The following NUP214 variants were observed in gnomAD, a reference collection of about 807,000 sequenced individuals.
The protein encoded by NUP214 is nucleoporin 214.
Under a neutral mutation model 196.2 loss-of-function variants are expected in NUP214, and 79 were observed. The observed-to-expected ratio is 0.40, with a 90% CI of 0.34 to 0.49. The LOEUF (loss-of-function observed/expected upper bound fraction) is 0.49, where lower values mean the gene tolerates loss of function less well. Ranked by LOEUF, NUP214 falls within the 20% of genes least tolerant of loss-of-function variation. The probability of loss-of-function intolerance (pLI) is 0.58; values close to 1 mark genes in which losing one functional copy is unlikely to be tolerated. For synonymous variants in NUP214, 1,020 were observed against 990.5 expected, an observed-to-expected ratio of 1.03 and a Z score of -0.56; for missense variants, 2,468 against 2,539.0, an observed-to-expected ratio of 0.97 and a Z score of 0.60.
At chr9:131,217,969 A>G (rs1052827491) in intron 31 of NUP214, among the ~76,000 whole-genome samples, 34 of 152,200 alleles carry the variant, frequency 2.2e-4, no homozygotes, top group Admixed American at 2.1e-3. Context: ...GAGTATTTAT[A>G]TCATGGAAAT....
rs563052320 is a variant in NUP214 at position 131,176,745 on chromosome 9, T to C, written c.3319+1124T>C. 2.0e-5 allele frequency among the ~76,000 whole-genome samples: 3 copies of C among 152,324 alleles called. No homozygotes were observed. In the East Asian group the frequency reaches 5.8e-4, roughly 29 times the overall value. On this transcript the variant is annotated intron_variant, in intron 23 of 35. Coordinates refer to ENST00000359428, the MANE Select transcript of NUP214 (RefSeq NM_005085.4). ...CATTATCCCAAACTTTCTACTACTT[T>C]CTACGTTAATGTACATTGTACATTA...
chr9:131,131,574 A>G (rs1831545185), intron 5 of NUP214, among the ~76,000 whole-genome samples: 1 of 152,242 alleles, frequency 6.6e-6, no homozygotes, highest in Admixed American at 6.5e-5. Flanking sequence ...TGTTATTACC[A>G]AAAGTTACCT....
chr9:131,213,905 G>T (rs1834320332), intron 30 of NUP214, among the ~76,000 whole-genome samples: 3 of 152,186 alleles, frequency 2.0e-5, no homozygotes, highest in African/African-American at 7.2e-5. Flanking sequence ...TGCCCTGAGT[G>T]AGGGGGAGGA....
rs150616912 is a variant in NUP214, at chr9:131,127,698, G to A, written c.220G>A (p.Gly74Arg). 68 of 1,613,746 alleles carry A rather than the reference G, an allele frequency of 4.2e-5. 1 individual carries two copies. The South Asian group carries it at 4.7e-4, about 11-fold the overall frequency. ...TKNLLIQNKPGDDPNKIVDKV... is the reference protein window; with the variant it reads ...TKNLLIQNKPRDDPNKIVDKV... ...AAATCTTCTTATTCAAAATAAACCC[G>A]GAGATGATCCCAACAAAATAGGTAA... The change falls in exon 2 of 36, where the codon GGA becomes AGA. Residue 74 changes from glycine to arginine, a missense_variant. By Grantham distance (125) the Gly-to-Arg change is moderately radical. Transcript: ENST00000359428.
At chr9:131,174,450 T>TC (rs1177763727) in intron 22 of NUP214, 132 bp downstream of exon 22, 10 of 553,134 alleles carry the variant, frequency 1.8e-5, no homozygotes, top group African/African-American at 7.2e-5. Context: ...TTTTTTTCTT[T>TC]TTTTCTTTTT....
chr9:131,174,211 C>T lies in NUP214; in HGVS notation c.3050C>T (p.Pro1017Leu). ...EAVVQAPRHA[P>L]VVRTPSIQPS... is the part of the protein sequence containing the mutation. ...GTGGTTCAGGCCCCTCGGCACGCCC[C>T]CGTGGTTCGCACTCCTTCCATCCAG... The change falls in exon 22 of 36, where the codon CCC (proline) becomes CTC (leucine). Residue 1017 changes from proline to leucine, a missense_variant. Around this residue, in one of 5 missense-constraint regions of NUP214, gnomAD observed 1,801 missense variants for 1,779.4 expected, o/e 1.01. Transcript: ENST00000359428. 13 of 1,613,956 alleles carry T rather than the reference C, an allele frequency of 8.1e-6. No homozygotes were observed. Among genetic ancestry groups the T allele is most frequent in the Non-Finnish European group, 1.1e-5 (13 of 1,179,968 alleles).
intron 17 of NUP214, chr9:131,153,495 T>C (rs887168549): frequency 2.0e-5 from 3 of 152,346 alleles, no homozygotes; most frequent in Admixed American, 2.0e-4. Context: ...GCCTGCCTAC[T>C]GCTCATCAAA....
chr9:131,139,710 A>G (rs1831851366), intron 10 of NUP214, among the ~76,000 whole-genome samples: 3 of 152,190 alleles, frequency 2.0e-5, no homozygotes, highest in African/African-American at 7.2e-5. Flanking sequence ...TCAGGATTTT[A>G]TGGCTTGGTT....
chr9:131,153,407 G>C (rs1832331615), intron 17 of NUP214: 1 of 152,018 alleles, frequency 6.6e-6, no homozygotes, highest in Admixed American at 6.6e-5. Context: ...CAGAGCCCTT[G>C]CTGTGATCTG....
chr9:131,202,577 C>T lies in NUP214; in HGVS notation c.5592+860C>T, dbSNP rs1036702343. Among the ~76,000 whole-genome samples, 14 of 151,948 alleles carry T rather than the reference C, an allele frequency of 9.2e-5. 1 individual carries two copies. The highest frequency in any genetic ancestry group is 3.4e-4 in the African/African-American group (14 of 41,434). Reference sequence around the variant, plus strand: ...TAGCTGGGACTATAGGTTTGTGCCACCACACCCAGCTATTTTTTTTTTTCT... The same window carrying T: ...TAGCTGGGACTATAGGTTTGTGCCATCACACCCAGCTATTTTTTTTTTTCT... On this transcript the variant is annotated intron_variant, in intron 30 of 35. Transcript: ENST00000359428.
chr9:131,188,542 C>T (rs1288269729), intron 25 of NUP214, among the ~76,000 whole-genome samples: 1 of 152,206 alleles, frequency 6.6e-6, no homozygotes, highest in Non-Finnish European at 1.5e-5. Flanking sequence ...CTTAAAATGG[C>T]ATTTAAGCAT....
intron 2 of NUP214, among the ~76,000 whole-genome samples, chr9:131,127,991 C>G (rs1186744624): frequency 6.6e-6 from 1 of 152,172 alleles, no homozygotes; most frequent in Non-Finnish European, 1.5e-5. Flanking sequence ...GGCTCTGGCT[C>G]TCTGGGTGAA....
chr9:131,183,516 A>T (rs1371544901), intron 24 of NUP214, among the ~76,000 whole-genome samples: 1 of 152,228 alleles, frequency 6.6e-6, no homozygotes, highest in African/African-American at 2.4e-5. Context: ...TCTTCTGCTC[A>T]AAGGACTTCC....
At chr9:131,195,613 GT>G in intron 28 of NUP214, 1 of 279,624 alleles carries the variant, frequency 3.6e-6, no homozygotes, top group East Asian at 9.0e-5. Flanking sequence ...AATTTATAGG[GT>G]GATTCTGTAG....
intron 23 of NUP214, among the ~76,000 whole-genome samples, chr9:131,177,952 G>C (rs1833162115): frequency 6.6e-6 from 1 of 152,210 alleles, no homozygotes; most frequent in Admixed American, 6.5e-5. Context: ...ATGAGTGGCA[G>C]AAATCCTGAG....
intron 32 of NUP214, 121 bp downstream of exon 32, chr9:131,223,051 T>C (rs1449730743): frequency 7.3e-6 from 6 of 824,928 alleles, no homozygotes. Context: ...GTAAAGAAGT[T>C]AACTGTTTCC....
intron 5 of NUP214, among the ~76,000 whole-genome samples, chr9:131,132,375 A>G (rs573710338): frequency 2.6e-5 from 4 of 152,026 alleles, no homozygotes; most frequent in Non-Finnish European, 4.4e-5. Flanking sequence ...CGGCCTCCCA[A>G]AGTGTTGAGA....
At position 131,197,723 on chromosome 9, in the gene NUP214, T is replaced by G. The variant is rs2131045355; in HGVS notation, c.4229T>G (p.Val1410Gly). 6.2e-7 allele frequency: 1 copy of G among 1,614,132 alleles called. No individual in the cohort carries two copies. Among genetic ancestry groups the G allele is most frequent in the East Asian group, 2.2e-5 (1 of 44,882 alleles). The change falls in exon 29 of 36, where the codon GTT becomes GGT. Residue 1410 changes from valine to glycine, a missense_variant. Transcript: ENST00000359428. ...PAATSTSSTA[V>G]FGSLPVTSAG... ...GCCACCAGCACTTCCTCAACTGCCG[T>G]TTTTGGCAGTCTGCCAGTCACCAGT...
In NUP214 at chr9:131,223,742, T is replaced by TA. The variant is rs1564219858; in HGVS notation, c.5902+812_5902+813insA. Among the ~76,000 whole-genome samples the TA allele has an allele frequency of 7.6e-5, 4 of 52,558 alleles. 1 individual carries two copies. Among genetic ancestry groups the TA allele is most frequent in the African/African-American group, 2.3e-4 (4 of 17,480 alleles). The allele number at this position is 52,558 out of a possible 152,430, so 34.5% of individuals were successfully genotyped here. The stretch of plus-strand genomic sequence containing the variant: ...TTATTTATTTATTTTTTTTTTTTTT[T>TA]TTTTTTTTTTGAGACGGAGTCTCGC... On this transcript the variant is annotated intron_variant, in intron 32 of 35. Coordinates refer to ENST00000359428, the MANE Select transcript of NUP214 (RefSeq NM_005085.4).
Sources: gnomAD v4.1 joint callset for allele counts (sites outside exome capture counted in the v4.1 genomes callset) on GRCh38, gnomAD v4.1.1 for gene constraint, gnomAD v4.1.1 regional missense constraint, MANE v1.5 for transcripts, NCBI Gene and HGNC (gene_info 2026-07-23, HGNC 2026-07-21) for gene names.